Variants in SCN4A observed in about 807,000 individuals in gnomAD.
SCN4A encodes the protein sodium channel protein type 4 subunit alpha.
In SCN4A, 83 loss-of-function variants were observed where a neutral mutation model predicts 162.0. The ratio of observed to expected loss-of-function variants is 0.51; its 90% CI spans 0.43 to 0.61. SCN4A has a LOEUF of 0.61. Ranked by LOEUF, SCN4A falls within the 20% of genes least tolerant of loss-of-function variation. The pLI is 0.00. For missense variants in SCN4A, 2,196 were observed against 2,462.5 expected (o/e 0.89, Z 2.29); for synonymous variants, 944 against 985.1 (o/e 0.96, Z 0.78).
In SCN4A at chr17:63,963,710, C is replaced by T. The variant is rs763765224; in HGVS notation, c.1568G>A (p.Ser523Asn). The T allele has an allele frequency of 6.3e-7, 1 of 1,598,508 alleles. No homozygotes were observed. Among genetic ancestry groups the T allele is most frequent in the Admixed American group, 1.7e-5 (1 of 59,300 alleles). ...SQGEKGAPRQ[S>N]SSGDSGISDA... is the part of the protein sequence containing the mutation. ...GGAGATGCCGCTGTCTCCGCTGCTG[C>T]TCTGCCTCGGGGCTCCCTTCTCCCC... is the stretch of plus-strand genomic sequence containing the variant. Residue 523 changes from serine to asparagine, a missense_variant, in exon 10 of 24, where the codon AGC becomes AAC. By Grantham distance (46) the Ser-to-Asn change is conservative. Transcript: ENST00000435607.
Position 63,945,600 on chromosome 17 carries a change from G to A in SCN4A, c.3480C>T (p.Ile1160=). ...TGAGGCAGACAAGCAGCACATTCAT[G>A]ATGGAGGGGATGGCGCCTAGGAGGG... ...VNALLGAIPS[I]MNVLLVCLIF... is the part of the protein sequence containing the mutation. Residue 1160 remains isoleucine (I), a synonymous_variant, in exon 19 of 24, where the codon ATC becomes ATT. Coordinates refer to ENST00000435607, the MANE Select transcript of SCN4A (RefSeq NM_000334.4). This position sits in a 1 kb window ranked among gnomAD's most constrained non-coding sequence, Gnocchi z 4.4. 1 of 1,614,050 alleles carries A rather than the reference G, an allele frequency of 6.2e-7. No homozygotes were observed. Among genetic ancestry groups the A allele is most frequent in the Non-Finnish European group, 8.5e-7 (1 of 1,179,924 alleles).
intron 5 of SCN4A, 64 bp from the exon 6 acceptor site, chr17:63,968,419 G>A (rs555883709): frequency 2.8e-5 from 39 of 1,376,472 alleles, no homozygotes; most frequent in African/African-American, 7.2e-5. Context: ...GAGCCCCCGC[G>A]GCCCCCACCG....
In SCN4A at chr17:63,951,012, G is replaced by A. The variant is rs1908889310; in HGVS notation, c.2853+412C>T. 6.6e-6 allele frequency among the ~76,000 whole-genome samples: 1 copy of A among 152,232 alleles called. No individual in the cohort carries two copies. Among genetic ancestry groups the A allele is most frequent in the Non-Finnish European group, 1.5e-5 (1 of 68,042 alleles). ...CCCAGGTGGGGTCTAAACAGAGATA[G>A]AGGATAAGTGTGAGGACTGGGCAAG... On this transcript the variant is annotated intron_variant, in intron 14 of 23. Transcript: ENST00000435607. This position sits in a 1 kb window ranked among gnomAD's most constrained non-coding sequence, Gnocchi z 4.5.
chr17:63,972,112 A>T lies in SCN4A; in HGVS notation c.482+24T>A. ...GATGGGCTGTGTCCCAGGGCTGGGG[A>T]GCTCAGGGAGCAGGGAGACTTACTC... is the stretch of plus-strand genomic sequence containing the variant. On this transcript the variant is annotated intron_variant, in intron 3 of 23. Transcript: ENST00000435607. The surrounding 1 kb of genome is among the most constrained non-coding windows in gnomAD (Gnocchi z 4.3). The T allele has an allele frequency of 1.3e-6, 2 of 1,571,438 alleles. No individual in the cohort carries two copies. Among genetic ancestry groups the T allele is most frequent in the Non-Finnish European group, 1.7e-6 (2 of 1,144,542 alleles).
At position 63,938,978 on chromosome 17, in the gene SCN4A, G is replaced by A. The variant is rs1186138244; in HGVS notation, c.*1793C>T. On this transcript the variant is annotated 3_prime_UTR_variant, in exon 24 of 24. Transcript: ENST00000435607. ...AACGAGAAACAGGAAGGGGAGGAGA[G>A]GGGAGTGAGAGAGAGGGCTGTTCAG... 6.5e-6 allele frequency: 1 copy of A among 153,502 alleles called. No individual in the cohort carries two copies. The highest frequency in any genetic ancestry group is 1.5e-5 in the Non-Finnish European group (1 of 68,544). 9.5% of individuals were successfully genotyped at this position (153,502 alleles called of 1,614,324 possible).
chr17:63,947,196 C>A (rs751470518), intron 17 of SCN4A, 29 bp from the exon 18 acceptor site: 34 of 1,611,608 alleles, frequency 2.1e-5, no homozygotes, highest in Admixed American at 6.7e-5. Flanking sequence ...GGGATCAGTG[C>A]GTGCAAGGCC....
Position 63,941,529 on chromosome 17 carries a change from A to G in SCN4A, c.4753T>C (p.Ser1585Pro). 6.2e-7 allele frequency: 1 copy of G among 1,614,022 alleles called. No homozygotes were observed. The highest frequency in any genetic ancestry group is 8.5e-7 in the Non-Finnish European group (1 of 1,180,018). ...TACATGTTGACCACGATGAGGAAGG[A>G]GATGATGATATAGCTGCAGAAGAAG... ...ICFFCSYIII[S>P]FLIVVNMYIA... Residue 1585 changes from serine (S) to proline (P), a missense_variant, in exon 24 of 24, where the codon TCC (serine) becomes CCC (proline). Transcript: ENST00000435607. The surrounding 1 kb of genome is among the most constrained non-coding windows in gnomAD (Gnocchi z 6.2).
chr17:63,946,252 C>CA (rs1318947724), intron 18 of SCN4A, among the ~76,000 whole-genome samples: 6 of 152,206 alleles, frequency 3.9e-5, no homozygotes, highest in African/African-American at 1.4e-4. Context: ...TGACCAGCTG[C>CA]ATGGCCACAG....
chr17:63,958,498 A>G (rs1909142100), intron 12 of SCN4A, among the ~76,000 whole-genome samples: 1 of 152,206 alleles, frequency 6.6e-6, no homozygotes, highest in African/African-American at 2.4e-5. Flanking sequence ...GTGGAGGTTC[A>G]TTATACTTTC....
intron 7 of SCN4A, 107 bp from the exon 8 acceptor site, chr17:63,966,350 A>G (rs1909445474): frequency 4.9e-6 from 7 of 1,426,274 alleles, no homozygotes; most frequent in Non-Finnish European, 6.8e-6. Flanking sequence ...GTGTCCCCCA[A>G]ACAGAAAAGT....
rs202172639 is a variant in SCN4A, at chr17:63,972,307, G to A, written c.392+45C>T. The A allele has an allele frequency of 9.6e-4, 1,520 of 1,590,768 alleles. 2 individuals are homozygous for A. The highest frequency in any genetic ancestry group is 1.2e-3 in the Non-Finnish European group (1,417 of 1,163,658). ...CTCCTGGGCCACAGCACCCCATCTC[G>A]CCCATCCCTAACCCCTCCCGCCTCT... On this transcript the variant is annotated intron_variant, in intron 2 of 23. Coordinates refer to ENST00000435607, the MANE Select transcript of SCN4A (RefSeq NM_000334.4). The surrounding 1 kb of genome is among the most constrained non-coding windows in gnomAD (Gnocchi z 4.3).
At chr17:63,968,751 G>T (rs532104216) in intron 5 of SCN4A, among the ~76,000 whole-genome samples, 1 of 152,206 alleles carries the variant, frequency 6.6e-6, no homozygotes, top group Non-Finnish European at 1.5e-5. Flanking sequence ...GAAAAGCTGC[G>T]TTCTAGATTC....
rs1908646050 is a variant in SCN4A, at chr17:63,944,399, C to CCGCCT, written c.3912+269_3912+273dup. Among the ~76,000 whole-genome samples, 1 of 152,134 alleles carries CCGCCT rather than the reference C, an allele frequency of 6.6e-6. No homozygotes were observed. The highest frequency in any genetic ancestry group is 1.5e-5 in the Non-Finnish European group (1 of 68,030). On this transcript the variant is annotated intron_variant, in intron 21 of 23. Coordinates refer to ENST00000435607, the MANE Select transcript of SCN4A (RefSeq NM_000334.4). The surrounding 1 kb of genome is among the most constrained non-coding windows in gnomAD (Gnocchi z 4.3). ...TCGAACTCCTGACCTTGTGATCCGC[C>CCGCCT]CGCCTCGGCCTCCCAAAGTGCTGGG...
In SCN4A at chr17:63,943,808, A is replaced by G; in HGVS notation, c.3955T>C (p.Tyr1319His). ...DIFMTEEQKK[Y>H]YNAMKKLGSK... Reference sequence around the variant, plus strand: ...CCAAGCTTCTTCATGGCGTTATAGTATTTCTTCTGTTCCTCCGTCATAAAG... The same window carrying G: ...CCAAGCTTCTTCATGGCGTTATAGTGTTTCTTCTGTTCCTCCGTCATAAAG... The change falls in exon 22 of 24, where the codon TAC (tyrosine) becomes CAC (histidine). Residue 1319 changes from tyrosine (Y) to histidine (H), a missense_variant. By Grantham distance (83) the Tyr-to-His change is moderately conservative. Coordinates refer to ENST00000435607, the MANE Select transcript of SCN4A (RefSeq NM_000334.4). 6.2e-7 allele frequency: 1 copy of G among 1,613,418 alleles called. No individual in the cohort carries two copies. The highest frequency in any genetic ancestry group is 8.5e-7 in the Non-Finnish European group (1 of 1,179,476).
chr17:63,943,360 A>G (rs1340606560), intron 22 of SCN4A, among the ~76,000 whole-genome samples: 1 of 72,950 alleles, frequency 1.4e-5, no homozygotes, highest in East Asian at 3.6e-4. Context: ...GATCCCCCAG[A>G]TGCTCCTCCC....
Position 63,967,906 on chromosome 17 carries a change from C to T in SCN4A, c.1036+117G>A, listed in dbSNP as rs538771943. 129 of 896,332 alleles carry T rather than the reference C, an allele frequency of 1.4e-4. 1 individual carries two copies. In the South Asian group the frequency reaches 2.0e-3, roughly 14 times the overall value. The allele number at this position is 896,332 out of a possible 1,614,324, so 55.5% of individuals were successfully genotyped here. On this transcript the variant is annotated intron_variant, in intron 6 of 23. Transcript: ENST00000435607. The stretch of plus-strand genomic sequence containing the variant: ...TGAGATGGCACCTTTGCACTCCAGC[C>T]TGGGTGACAAGAGTGAGACTCCATC...
chr17:63,951,463 C>T lies in SCN4A; in HGVS notation c.2814G>A (p.Glu938=). 1.9e-6 allele frequency: 3 copies of T among 1,607,754 alleles called. No homozygotes were observed. The highest frequency in any genetic ancestry group is 2.2e-5 in the East Asian group (1 of 44,682). ...SEESDLEMPT[E]EETDTFSEPE... ...GCTCTGAGAAAGTGTCGGTTTCCTC[C>T]TCGGTGGGCATCTCCAGGTCGGACT... Residue 938 remains glutamate, a synonymous_variant, in exon 14 of 24, where the codon GAG becomes GAA. Coordinates refer to ENST00000435607, the MANE Select transcript of SCN4A (RefSeq NM_000334.4). This position sits in a 1 kb window ranked among gnomAD's most constrained non-coding sequence, Gnocchi z 4.5.
chr17:63,956,622 C>T (rs1013920629), intron 13 of SCN4A, among the ~76,000 whole-genome samples: 1 of 152,238 alleles, frequency 6.6e-6, no homozygotes, highest in Non-Finnish European at 1.5e-5. Context: ...GGTTCCCCCA[C>T]AAAACTGTGC....
rs1908439300 is a variant in SCN4A at position 63,939,141 on chromosome 17, G to T, written c.*1630C>A. The T allele has an allele frequency of 6.5e-6, 1 of 152,710 alleles. No homozygotes were observed. The highest frequency in any genetic ancestry group is 1.5e-5 in the Non-Finnish European group (1 of 68,098). 9.5% of individuals were successfully genotyped at this position (152,710 alleles called of 1,614,324 possible). A position where few individuals can be genotyped will look rare whatever the true frequency, so the allele number is the denominator to read the frequency against. On this transcript the variant is annotated 3_prime_UTR_variant, in exon 24 of 24. Transcript: ENST00000435607. ...ATACATGTCTTGTTTTGAAGGTTTT[G>T]CTGCTTCCTGAATTTTAATCAAACT...
Sources: gnomAD v4.1 joint callset for allele counts (sites outside exome capture counted in the v4.1 genomes callset) on GRCh38, gnomAD v4.1.1 for gene constraint, Gnocchi (gnomAD v3.1) non-coding constraint, MANE v1.5 for transcripts, NCBI Gene and HGNC (gene_info 2026-07-23, HGNC 2026-07-21) for gene names.